CSMD1: variants seen among roughly 807,000 people sequenced by gnomAD.
CSMD1 encodes CUB and Sushi multiple domains 1, also known as CUB and sushi domain-containing protein 1.
Under a neutral mutation model 417.5 loss-of-function variants are expected in CSMD1, and 213 were observed. That is an observed-to-expected ratio of 0.51 (90% CI 0.46 to 0.57). CSMD1 has a LOEUF of 0.57. Among genes scored for constraint, CSMD1 ranks in the 20% least tolerant of loss-of-function variants. The probability of loss-of-function intolerance (pLI) is 0.00; values close to 1 mark genes in which losing one functional copy is unlikely to be tolerated. For missense variants in CSMD1, 6,923 were observed against 4,529.7 expected (o/e 1.53, Z -15.17); for synonymous variants, 2,862 against 1,736.8 (o/e 1.65, Z -16.11).
chr8:4,714,198 C>T (rs546950682), intron 1 of CSMD1, among the ~76,000 whole-genome samples: 3 of 152,202 alleles, frequency 2.0e-5, no homozygotes, highest in South Asian at 4.2e-4. Flanking sequence ...CCAAGCTCCA[C>T]GTCCACCGTG....
chr8:3,681,025 GA>G (rs1168579478), intron 7 of CSMD1, among the ~76,000 whole-genome samples: 3 of 152,126 alleles, frequency 2.0e-5, no homozygotes, highest in Non-Finnish European at 4.4e-5. Context: ...ATTAGGTATT[GA>G]TGGGACGTAT....
At chr8:4,753,976 A>T (rs916046616) in intron 1 of CSMD1, among the ~76,000 whole-genome samples, 8 of 152,336 alleles carry the variant, frequency 5.3e-5, no homozygotes, top group African/African-American at 1.9e-4. Context: ...AACAGCTTCA[A>T]ATACAGGAAG....
chr8:4,509,694 A>G (rs1365780701), intron 2 of CSMD1, among the ~76,000 whole-genome samples: 1 of 151,106 alleles, frequency 6.6e-6, no homozygotes, highest in South Asian at 2.1e-4. Flanking sequence ...TGCTGATAAT[A>G]GACACTTTTG....
intron 1 of CSMD1, among the ~76,000 whole-genome samples, chr8:4,797,342 A>T (rs1414925116): frequency 2.0e-5 from 3 of 152,196 alleles, no homozygotes; most frequent in African/African-American, 7.2e-5. Flanking sequence ...CCTGGAATGA[A>T]GCAGGAGAAA....
At chr8:3,391,048 C>G (rs79457539) in intron 17 of CSMD1, among the ~76,000 whole-genome samples, 3 of 152,092 alleles carry the variant, frequency 2.0e-5, no homozygotes, top group Non-Finnish European at 4.4e-5. Context: ...TGCATCCATG[C>G]GTGTGCCTGT....
intron 3 of CSMD1, among the ~76,000 whole-genome samples, chr8:4,408,953 A>C (rs1796495725): frequency 6.6e-6 from 1 of 152,206 alleles, no homozygotes; most frequent in Non-Finnish European, 1.5e-5. Flanking sequence ...GTTGCATTCA[A>C]ATTCAGAAAG....
chr8:4,183,080 A>G (rs1040748129), intron 3 of CSMD1, among the ~76,000 whole-genome samples: 1 of 152,196 alleles, frequency 6.6e-6, no homozygotes, highest in East Asian at 1.9e-4. Context: ...TGTCACACTC[A>G]TATCACAGCG....
At chr8:3,613,952 A>G (rs1802015772) in intron 8 of CSMD1, among the ~76,000 whole-genome samples, 1 of 151,878 alleles carries the variant, frequency 6.6e-6, no homozygotes, top group Admixed American at 6.6e-5. Context: ...AAAAAATCCG[A>G]TTGGAAAGCA....
intron 1 of CSMD1, among the ~76,000 whole-genome samples, chr8:4,699,371 C>T (rs184323515): frequency 6.6e-6 from 1 of 152,254 alleles, no homozygotes; most frequent in African/African-American, 2.4e-5. Context: ...TCTGAGAGTA[C>T]CCACAACTCA....
intron 5 of CSMD1, among the ~76,000 whole-genome samples, chr8:3,833,222 A>C (rs1802471905): frequency 6.6e-6 from 1 of 152,128 alleles, no homozygotes; most frequent in Admixed American, 6.5e-5. Flanking sequence ...TTTTGTCCGT[A>C]CTGTAATTCT....
chr8:3,463,614 A>T (rs1318551201), intron 12 of CSMD1, among the ~76,000 whole-genome samples: 1 of 152,210 alleles, frequency 6.6e-6, no homozygotes, highest in Non-Finnish European at 1.5e-5. Flanking sequence ...TACAAGGACC[A>T]GTGAGCTGTC....
chr8:3,638,672 T>C (rs1296810192), intron 7 of CSMD1, among the ~76,000 whole-genome samples: 6 of 152,022 alleles, frequency 3.9e-5, no homozygotes, highest in Non-Finnish European at 7.4e-5. Flanking sequence ...GAAAGAACGG[T>C]TCTGTGGACC....
chr8:2,980,467 T>A (rs1240803530), intron 54 of CSMD1, among the ~76,000 whole-genome samples: 1 of 151,772 alleles, frequency 6.6e-6, no homozygotes, highest in Non-Finnish European at 1.5e-5. Context: ...CTCTCTTCCT[T>A]CTCTTTCTCC....
intron 8 of CSMD1, among the ~76,000 whole-genome samples, chr8:3,587,661 T>C (rs966969892): frequency 6.6e-6 from 1 of 152,156 alleles, no homozygotes; most frequent in Non-Finnish European, 1.5e-5. Flanking sequence ...GCAACAGCCA[T>C]CAAATCAGAG....
intron 7 of CSMD1, among the ~76,000 whole-genome samples, chr8:3,634,692 GTGTGATTAGAACTGTGCT>G (rs147387800): frequency 0.047 from 7,117 of 152,214 alleles, 550 homozygotes; most frequent in African/African-American, 0.16. Flanking sequence ...GAAATGAAAG[GTGTGATTAGAACTGTGCT>G]GCCTACTCAG....
chr8:4,423,541 G>A (rs1423445713), intron 2 of CSMD1, among the ~76,000 whole-genome samples: 4 of 152,072 alleles, frequency 2.6e-5, no homozygotes, highest in South Asian at 4.1e-4. Flanking sequence ...TGAAGAAAAA[G>A]TTCAAAGAAA....
chr8:3,857,299 G>C (rs949325966), intron 5 of CSMD1, among the ~76,000 whole-genome samples: 11 of 152,202 alleles, frequency 7.2e-5, no homozygotes, highest in East Asian at 1.9e-4. Context: ...AGCATTAGGA[G>C]GGTTTTTCCT....
chr8:4,631,291 G>C (rs868613258), intron 2 of CSMD1, among the ~76,000 whole-genome samples: 1 of 152,142 alleles, frequency 6.6e-6, no homozygotes, highest in African/African-American at 2.4e-5. Flanking sequence ...GAACCTGGGA[G>C]GCAGAGGTTG....
chr8:3,006,965 C>A, intron 52 of CSMD1, among the ~76,000 whole-genome samples: 1 of 141,804 alleles, frequency 7.1e-6, no homozygotes, highest in African/African-American at 3.1e-5. Context: ...GCAAAAGAAA[C>A]TACCATCAGA....
Sources: gnomAD v4.1 joint callset for allele counts (sites outside exome capture counted in the v4.1 genomes callset) on GRCh38, gnomAD v4.1.1 for gene constraint, MANE v1.5 for transcripts, NCBI Gene and HGNC (gene_info 2026-07-23, HGNC 2026-07-21) for gene names.